The following UBAP1 variants were observed in gnomAD, a reference collection of about 807,000 sequenced individuals.
The protein encoded by UBAP1 is ubiquitin-associated protein 1.
A neutral mutation model predicts 39.0 loss-of-function variants in UBAP1; 5 were observed. That is an observed-to-expected ratio of 0.13 (90% confidence interval 0.07 to 0.27). The LOEUF (loss-of-function observed/expected upper bound fraction) is 0.27, where lower values mean the gene tolerates loss of function less well. Ranked by LOEUF, UBAP1 falls within the 10% of genes least tolerant of loss-of-function variation. The pLI is 1.00. For missense variants in UBAP1, 490 were observed against 608.1 expected (o/e 0.81, Z 2.04); for synonymous variants, 211 against 225.1 (o/e 0.94, Z 0.56).
intron 1 of UBAP1, among the ~76,000 whole-genome samples, chr9:34,196,936 GTT>G (rs1554646940): frequency 8.7e-5 from 12 of 138,700 alleles, no homozygotes; most frequent in Admixed American, 2.2e-4. Flanking sequence ...GTGTGTGTGT[GTT>G]TTTAATTGAG....
At chr9:34,179,510 A>G (rs376898861) in intron 1 of UBAP1, among the ~76,000 whole-genome samples, 1 of 152,034 alleles carries the variant, frequency 6.6e-6, no homozygotes, top group African/African-American at 2.4e-5. Context: ...CCCTACTGGA[A>G]GACAGGCATA....
chr9:34,216,239 A>G (rs1563903406), intron 1 of UBAP1, among the ~76,000 whole-genome samples: 1 of 151,842 alleles, frequency 6.6e-6, no homozygotes, highest in Non-Finnish European at 1.5e-5. Context: ...AAATTCACAT[A>G]GCATGAAATT....
Position 34,243,303 on chromosome 9 carries a change from T to C in UBAP1, c.1083+1195T>C, listed in dbSNP as rs376857747. 9.9e-5 allele frequency among the ~76,000 whole-genome samples: 15 copies of C among 152,246 alleles called. No individual in the cohort carries two copies. In the East Asian group the frequency reaches 2.7e-3, roughly 27 times the overall value. ...TTAACCATTTAGAGATCAAAGCCAATAAACTAACAGCAGAGATCTTTCTCA... is the reference window on the plus strand; with the variant it reads ...TTAACCATTTAGAGATCAAAGCCAACAAACTAACAGCAGAGATCTTTCTCA... On this transcript the variant is annotated intron_variant, in intron 4 of 6. Transcript: ENST00000297661.
chr9:34,183,846 C>G (rs1830227107), intron 1 of UBAP1, among the ~76,000 whole-genome samples: 1 of 151,172 alleles, frequency 6.6e-6, no homozygotes. Flanking sequence ...TCTCAGCTCA[C>G]CGCAACTGCC....
chr9:34,189,961 G>A (rs1350421883), intron 1 of UBAP1, among the ~76,000 whole-genome samples: 2 of 152,004 alleles, frequency 1.3e-5, no homozygotes, highest in Non-Finnish European at 2.9e-5. Context: ...TTTCATCAAA[G>A]GTTTATTATA....
chr9:34,208,871 A>G (rs1455567082), intron 1 of UBAP1, among the ~76,000 whole-genome samples: 1 of 150,234 alleles, frequency 6.7e-6, no homozygotes, highest in Non-Finnish European at 1.5e-5. Flanking sequence ...TTGAGCCTGG[A>G]TGGTGGAGGC....
intron 4 of UBAP1, among the ~76,000 whole-genome samples, chr9:34,247,606 T>G (rs1793228398): frequency 6.6e-6 from 1 of 151,958 alleles, no homozygotes; most frequent in Non-Finnish European, 1.5e-5. Context: ...GTATTTTTAG[T>G]AGAGATGGGG....
rs537689132 is a variant in UBAP1, at chr9:34,214,846, G to T, written c.-7-6062G>T. 2.0e-5 allele frequency among the ~76,000 whole-genome samples: 3 copies of T among 152,190 alleles called. No individual in the cohort carries two copies. The East Asian group carries it at 5.8e-4, about 29-fold the overall frequency. On this transcript the variant is annotated intron_variant, in intron 1 of 6. Coordinates refer to ENST00000297661, the MANE Select transcript of UBAP1 (RefSeq NM_016525.5). ...CATGAATAGACAGTTCTCAAAAGAG[G>T]ATATACAGATGGCCAACAAACATGA...
intron 1 of UBAP1, among the ~76,000 whole-genome samples, chr9:34,205,580 C>T (rs936337623): frequency 4.6e-5 from 7 of 152,112 alleles, no homozygotes; most frequent in Non-Finnish European, 1.0e-4. Context: ...AAAAGCCACT[C>T]CTGCTAAAGA....
In UBAP1 at chr9:34,251,559, C is replaced by A; in HGVS notation, c.*27C>A. On this transcript the variant is annotated 3_prime_UTR_variant, in exon 7 of 7. Coordinates refer to ENST00000297661, the MANE Select transcript of UBAP1 (RefSeq NM_016525.5). ...ACCAGGCCCTGCCTAGGCCCTGCCG[C>A]AGAACCACCATCCCTGGGAGGCCCT... The A allele has an allele frequency of 6.2e-7, 1 of 1,609,080 alleles. No individual in the cohort carries two copies. Among genetic ancestry groups the A allele is most frequent in the South Asian group, 1.1e-5 (1 of 90,766 alleles).
chr9:34,250,709 C>A lies in UBAP1; in HGVS notation c.1318C>A (p.Pro440Thr). ...ACAGCTTTGTGAGAAGGGCTTCGAC[C>A]CTCTTTTAGTGGAAGAGGCTCTGGA... ...HGQLCEKGFD[P>T]LLVEEALEMH... Residue 440 changes from proline to threonine, a missense_variant, in exon 6 of 7, where the codon CCT becomes ACT. Pro to Thr is a conservative substitution (Grantham distance 38, BLOSUM62 -1). This residue lies in a region of UBAP1 where 339 missense variants were observed against 390.0 expected (regional missense o/e 0.87). Coordinates refer to ENST00000297661, the MANE Select transcript of UBAP1 (RefSeq NM_016525.5). 1 of 1,613,744 alleles carries A rather than the reference C, an allele frequency of 6.2e-7. No individual in the cohort carries two copies. The highest frequency in any genetic ancestry group is 1.1e-5 in the South Asian group (1 of 91,062).
chr9:34,227,235 A>G (rs1833153962), intron 2 of UBAP1, among the ~76,000 whole-genome samples: 1 of 152,102 alleles, frequency 6.6e-6, no homozygotes, highest in Admixed American at 6.6e-5. Flanking sequence ...TATCTATGTT[A>G]TTTTGTATAT....
At chr9:34,211,102 A>G (rs1831995999) in intron 1 of UBAP1, among the ~76,000 whole-genome samples, 1 of 151,070 alleles carries the variant, frequency 6.6e-6, no homozygotes, top group South Asian at 2.1e-4. Flanking sequence ...TTGAATACTC[A>G]ATATTTAATT....
intron 2 of UBAP1, among the ~76,000 whole-genome samples, chr9:34,221,402 G>A (rs565336461): frequency 2.1e-4 from 32 of 151,988 alleles, no homozygotes; most frequent in African/African-American, 7.2e-4. Flanking sequence ...GTTGGCGGGC[G>A]CCTGTAGTCC....
At chr9:34,226,105 T>TTGTGTGTGTGTGTGTGTGTGTGTGTGTG (rs74180553) in intron 2 of UBAP1, among the ~76,000 whole-genome samples, 29 of 88,294 alleles carry the variant, frequency 3.3e-4, no homozygotes, top group Admixed American at 4.8e-4. Flanking sequence ...TCCTACTCTA[T>TTGTGTGTGTGTGTGTGTGTGTGTGTGTG]TGTGTGTGTG....
chr9:34,236,625 C>G (rs532205839), intron 3 of UBAP1, among the ~76,000 whole-genome samples: 56 of 152,162 alleles, frequency 3.7e-4, no homozygotes, highest in African/African-American at 1.3e-3. Flanking sequence ...TGCTAATGTC[C>G]TCATTCTCTT....
At chr9:34,179,500 C>A (rs757449993) in intron 1 of UBAP1, among the ~76,000 whole-genome samples, 1 of 151,758 alleles carries the variant, frequency 6.6e-6, no homozygotes, top group African/African-American at 2.4e-5. Context: ...GAGACTAATA[C>A]CCTACTGGAA....
At position 34,252,116 on chromosome 9, in the gene UBAP1, C is replaced by T. The variant is rs986195527; in HGVS notation, c.*584C>T. 1.3e-5 allele frequency: 2 copies of T among 152,784 alleles called. No individual in the cohort carries two copies. Among genetic ancestry groups the T allele is most frequent in the African/African-American group, 4.8e-5 (2 of 41,436 alleles). The allele number at this position is 152,784 out of a possible 1,614,324, so 9.5% of individuals were successfully genotyped here. ...GGGGCCCAGAGTTTGCCTTTTCTGC[C>T]AGGCAGTCACCATGCTTCCCTACCC... On this transcript the variant is annotated 3_prime_UTR_variant, in exon 7 of 7. Coordinates refer to ENST00000297661, the MANE Select transcript of UBAP1 (RefSeq NM_016525.5).
At chr9:34,234,478 T>C in intron 3 of UBAP1, 138 bp downstream of exon 3, 1 of 1,002,204 alleles carries the variant, frequency 1.0e-6, no homozygotes, top group South Asian at 1.8e-5. Context: ...TATACAATGG[T>C]GGTCCCATAA....
Sources: gnomAD v4.1 joint callset for allele counts (sites outside exome capture counted in the v4.1 genomes callset) on GRCh38, gnomAD v4.1.1 for gene constraint, gnomAD v4.1.1 regional missense constraint, MANE v1.5 for transcripts, NCBI Gene and HGNC (gene_info 2026-07-23, HGNC 2026-07-21) for gene names.